IMMP2L: variants seen among roughly 807,000 people sequenced by gnomAD.
The protein encoded by IMMP2L is inner mitochondrial membrane peptidase subunit 2.
Under a neutral mutation model 19.3 loss-of-function variants are expected in IMMP2L, and 18 were observed. The ratio of observed to expected loss-of-function variants is 0.93; its 90% confidence interval spans 0.64 to 1.38. IMMP2L has a LOEUF of 1.38. IMMP2L is among the 40% of genes most tolerant of loss of function. The pLI is 0.00. For missense variants in IMMP2L, 233 were observed against 218.2 expected, an observed-to-expected ratio of 1.07 and a Z score of -0.43; for synonymous variants, 76 against 73.0, an observed-to-expected ratio of 1.04 and a Z score of -0.21.
intron 3 of IMMP2L, among the ~76,000 whole-genome samples, chr7:111,067,709 G>GA (rs1047800560): frequency 5.3e-5 from 8 of 151,638 alleles, no homozygotes; most frequent in South Asian, 2.1e-4. Flanking sequence ...TGAGGAAAAA[G>GA]AAAAAAAAGA....
chr7:110,901,807 A>T (rs751239377), intron 4 of IMMP2L, among the ~76,000 whole-genome samples: 26 of 152,282 alleles, frequency 1.7e-4, no homozygotes, highest in Admixed American at 2.6e-4. Flanking sequence ...TTATTTTTTT[A>T]AAAATGATGG....
At position 111,562,275 on chromosome 7, in the gene IMMP2L, C is replaced by G. The variant is rs1241863367; in HGVS notation, c.-427G>C. The G allele has an allele frequency of 6.6e-6, 1 of 152,374 alleles. No individual in the cohort carries two copies. Among genetic ancestry groups the G allele is most frequent in the Admixed American group, 6.5e-5 (1 of 15,276 alleles). The allele number at this position is 152,374 out of a possible 1,614,324, so 9.4% of individuals were successfully genotyped here. A position where few individuals can be genotyped will look rare whatever the true frequency, so the allele number is the denominator to read the frequency against. ...GCGCACGCACACATGCTCGCGATCA[C>G]GCAGGACTCGCGGCCGCGCACCCCT... On this transcript the variant is annotated 5_prime_UTR_variant, in exon 1 of 6. Coordinates refer to ENST00000405709, the MANE Select transcript of IMMP2L (RefSeq NM_032549.4).
chr7:111,410,221 C>G (rs2131501320), intron 3 of IMMP2L, among the ~76,000 whole-genome samples: 1 of 151,736 alleles, frequency 6.6e-6, no homozygotes, highest in East Asian at 1.9e-4. Flanking sequence ...CCAGAGTATT[C>G]TGTAGAGACT....
At chr7:111,355,639 G>A (rs1475764462) in intron 3 of IMMP2L, among the ~76,000 whole-genome samples, 1 of 151,722 alleles carries the variant, frequency 6.6e-6, no homozygotes, top group Non-Finnish European at 1.5e-5. Context: ...AAACCTTCTG[G>A]TCACTCATAA....
chr7:111,428,343 G>A (rs1388890003), intron 3 of IMMP2L, among the ~76,000 whole-genome samples: 1 of 151,616 alleles, frequency 6.6e-6, no homozygotes, highest in Non-Finnish European at 1.5e-5. Context: ...GAAATAGGGG[G>A]TTTCAATTGT....
At chr7:111,304,250 G>C (rs1398019988) in intron 3 of IMMP2L, among the ~76,000 whole-genome samples, 1 of 152,050 alleles carries the variant, frequency 6.6e-6, no homozygotes, top group East Asian at 1.9e-4. Flanking sequence ...TCTGTCATGA[G>C]ATGAGAAATC....
At chr7:111,427,455 G>A (rs1836194599) in intron 3 of IMMP2L, among the ~76,000 whole-genome samples, 1 of 151,516 alleles carries the variant, frequency 6.6e-6, no homozygotes, top group South Asian at 2.1e-4. Flanking sequence ...GAGACTTCTA[G>A]AACAAAAAAT....
chr7:110,845,079 A>G (rs1265567382), intron 5 of IMMP2L, among the ~76,000 whole-genome samples: 3 of 152,104 alleles, frequency 2.0e-5, no homozygotes, highest in Non-Finnish European at 4.4e-5. Flanking sequence ...CTAAAATCCA[A>G]AAAAGCAGCT....
At chr7:111,515,177 G>A (rs1743635485) in intron 2 of IMMP2L, among the ~76,000 whole-genome samples, 1 of 152,100 alleles carries the variant, frequency 6.6e-6, no homozygotes, top group African/African-American at 2.4e-5. Flanking sequence ...CAAGCTGCAT[G>A]TGCCCAGGGA....
At chr7:111,389,736 A>G (rs931489549) in intron 3 of IMMP2L, among the ~76,000 whole-genome samples, 1 of 152,112 alleles carries the variant, frequency 6.6e-6, no homozygotes, top group Admixed American at 6.6e-5. Context: ...TTAAAAAACA[A>G]AGACATGTTT....
intron 5 of IMMP2L, among the ~76,000 whole-genome samples, chr7:110,833,972 A>T (rs1456994929): frequency 1.3e-5 from 2 of 152,210 alleles, no homozygotes; most frequent in African/African-American, 4.8e-5. Flanking sequence ...AACAATGAGA[A>T]CTAGATCAAC....
At chr7:110,837,143 C>G (rs969950959) in intron 5 of IMMP2L, among the ~76,000 whole-genome samples, 1 of 152,038 alleles carries the variant, frequency 6.6e-6, no homozygotes, top group African/African-American at 2.4e-5. Context: ...AAACATGATA[C>G]ATTCATATTA....
At chr7:110,907,818 T>C (rs1309089985) in intron 4 of IMMP2L, among the ~76,000 whole-genome samples, 1 of 152,178 alleles carries the variant, frequency 6.6e-6, no homozygotes, top group Non-Finnish European at 1.5e-5. Flanking sequence ...AGATTTGCAT[T>C]TCAGAAGCAA....
At chr7:111,269,360 A>T (rs567267172) in intron 3 of IMMP2L, among the ~76,000 whole-genome samples, 4 of 152,324 alleles carry the variant, frequency 2.6e-5, no homozygotes, top group Admixed American at 1.3e-4. Context: ...GGAAAGACTG[A>T]ACAAATGATA....
chr7:111,287,646 T>C lies in IMMP2L; in HGVS notation c.239+199592A>G, dbSNP rs569840725. On this transcript the variant is annotated intron_variant, in intron 3 of 5. Coordinates refer to ENST00000405709, the MANE Select transcript of IMMP2L (RefSeq NM_032549.4). The stretch of plus-strand genomic sequence containing the variant: ...TGGCTACGTCGGCTTGCTAGTTTTG[T>C]TCAAAGTTGTTATGAAATTAAAAAC... Among the ~76,000 whole-genome samples the C allele has an allele frequency of 2.0e-5, 3 of 152,278 alleles. No homozygotes were observed. In the South Asian group the frequency reaches 6.2e-4, roughly 32 times the overall value.
Position 111,391,566 on chromosome 7 carries a change from G to GA in IMMP2L, c.239+95671dup, listed in dbSNP as rs370201741. ...CAATGTTAGACTGTGGACAGTTACA[G>GA]AAAAAATAATTCAAATCTAGGATTC... On this transcript the variant is annotated intron_variant, in intron 3 of 5. Coordinates refer to ENST00000405709, the MANE Select transcript of IMMP2L (RefSeq NM_032549.4). Among the ~76,000 whole-genome samples, 332 of 152,238 alleles carry GA rather than the reference G, an allele frequency of 2.2e-3. 5 individuals carry two copies. Among genetic ancestry groups the GA allele is most frequent in the African/African-American group, 7.3e-3 (305 of 41,558 alleles).
chr7:110,721,287 C>T (rs1191694108), intron 5 of IMMP2L, among the ~76,000 whole-genome samples: 10 of 152,090 alleles, frequency 6.6e-5, no homozygotes, highest in Admixed American at 6.6e-4. Context: ...GTTGCAAGGA[C>T]TAAAATGAAA....
chr7:110,733,986 A>G (rs1796450687), intron 5 of IMMP2L, among the ~76,000 whole-genome samples: 1 of 152,160 alleles, frequency 6.6e-6, no homozygotes. Flanking sequence ...AAATTACCCA[A>G]TCTAAAGTAT....
chr7:111,550,707 T>C (rs1011298267), intron 1 of IMMP2L, among the ~76,000 whole-genome samples: 1 of 152,178 alleles, frequency 6.6e-6, no homozygotes, highest in Admixed American at 6.5e-5. Flanking sequence ...GTTAACTATT[T>C]AGTAGAAAGC....
Sources: gnomAD v4.1 joint callset for allele counts (sites outside exome capture counted in the v4.1 genomes callset) on GRCh38, gnomAD v4.1.1 for gene constraint, MANE v1.5 for transcripts, NCBI Gene and HGNC (gene_info 2026-07-23, HGNC 2026-07-21) for gene names.